Variants in MSANTD2 observed in about 807,000 individuals in gnomAD.
MSANTD2 encodes myb/SANT-like DNA-binding domain-containing protein 2.
MSANTD2 carries 19 observed loss-of-function variants against 52.6 expected under a neutral mutation model. The observed-to-expected ratio is 0.36, with a 90% CI of 0.25 to 0.53. MSANTD2 has a LOEUF of 0.53. Ranked by LOEUF, MSANTD2 falls within the 20% of genes least tolerant of loss-of-function variation. The pLI, the probability that MSANTD2 is intolerant of heterozygous loss-of-function variation, is 0.91. For synonymous variants in MSANTD2, 291 were observed against 289.7 expected (o/e 1.00, Z -0.04); for missense variants, 558 against 716.3 (o/e 0.78, Z 2.52).
chr11:124,795,955 G>C (rs1221649391), intron 1 of MSANTD2, among the ~76,000 whole-genome samples: 2 of 152,132 alleles, frequency 1.3e-5, no homozygotes, highest in African/African-American at 4.8e-5. Flanking sequence ...TATGTAGTAA[G>C]GCAGTGTCAA....
At chr11:124,788,400 C>G (rs1945231016) in intron 1 of MSANTD2, among the ~76,000 whole-genome samples, 1 of 152,112 alleles carries the variant, frequency 6.6e-6, no homozygotes, top group Non-Finnish European at 1.5e-5. Flanking sequence ...TCAGACTTAC[C>G]ACTACTGTTT....
intron 1 of MSANTD2, among the ~76,000 whole-genome samples, chr11:124,795,035 C>G (rs186364051): frequency 6.6e-6 from 1 of 152,098 alleles, no homozygotes; most frequent in Admixed American, 6.5e-5. Flanking sequence ...TGTGCCACCA[C>G]GCCCGGCTAA....
At chr11:124,773,122 T>G in intron 2 of MSANTD2, 68 bp from the exon 3 acceptor site, 1 of 873,026 alleles carries the variant, frequency 1.1e-6, no homozygotes, top group Non-Finnish European at 1.9e-6. Flanking sequence ...TGTAGATAAG[T>G]AGCTATGTTT....
At chr11:124,794,082 A>G (rs1945418067) in intron 1 of MSANTD2, among the ~76,000 whole-genome samples, 1 of 152,232 alleles carries the variant, frequency 6.6e-6, no homozygotes, top group Admixed American at 6.5e-5. Flanking sequence ...GGCTGAACAG[A>G]CACATGTGAC....
intron 1 of MSANTD2, among the ~76,000 whole-genome samples, chr11:124,797,231 T>A (rs546714464): frequency 6.6e-6 from 1 of 152,338 alleles, no homozygotes; most frequent in African/African-American, 2.4e-5. Context: ...TCGCCTATAA[T>A]CCCAGCACTT....
chr11:124,767,812 G>A lies in MSANTD2; in HGVS notation c.1044C>T (p.Tyr348=). 1 of 1,614,202 alleles carries A rather than the reference G, an allele frequency of 6.2e-7. No homozygotes were observed. Among genetic ancestry groups the A allele is most frequent in the Non-Finnish European group, 8.5e-7 (1 of 1,180,032 alleles). The change falls in exon 4 of 4, where the codon TAC becomes TAT. Residue 348 remains tyrosine (Y), a synonymous_variant. Coordinates refer to ENST00000374979, the MANE Select transcript of MSANTD2 (RefSeq NM_001308027.2). The surrounding 1 kb of genome is among the most constrained non-coding windows in gnomAD (Gnocchi z 6.5). The stretch of plus-strand genomic sequence containing the variant: ...GTCCTTCAGGCTTCTCAGAGTTGAA[G>A]TACTCCCGAAGTCGCTTGCCAAGGG... The part of the protein sequence containing the change: ...QVPLGKRLRE[Y]FNSEKPEGRI...
At chr11:124,791,455 C>A (rs1945330109) in intron 1 of MSANTD2, 1 of 1,198,430 alleles carries the variant, frequency 8.3e-7, no homozygotes, top group African/African-American at 1.5e-5. Flanking sequence ...CCCCTCCCCA[C>A]CTGCACTGGG....
At chr11:124,771,253 T>C (rs747984158) in intron 3 of MSANTD2, among the ~76,000 whole-genome samples, 2 of 152,190 alleles carry the variant, frequency 1.3e-5, no homozygotes, top group African/African-American at 4.8e-5. Flanking sequence ...TACTTCCCAA[T>C]AAGAAATGGC....
chr11:124,800,186 AC>A lies in MSANTD2; in HGVS notation c.194del (p.Gly65ValfsTer115). ...AAGSGAAASGGLGLGLGGRSA... is the reference protein window; with the variant it reads ...AAGSGAAASGXLGLGLGGRSA... ...TGCGGCCCCCCAGCCCCAGCCCGAG[AC>A]CCCCGGACGCCGCTGCCCCCGAGCC... On this transcript the variant is annotated frameshift_variant, in exon 1 of 4. Coordinates refer to ENST00000374979, the MANE Select transcript of MSANTD2 (RefSeq NM_001308027.2). LOFTEE classifies it high-confidence loss of function. This position sits in a 1 kb window ranked among gnomAD's most constrained non-coding sequence, Gnocchi z 4.3. 3 of 1,462,590 alleles carry A rather than the reference AC, an allele frequency of 2.1e-6. No homozygotes were observed. The highest frequency in any genetic ancestry group is 2.6e-5 in the Admixed American group (1 of 38,450). 90.6% of individuals were successfully genotyped at this position (1,462,590 alleles called of 1,614,324 possible).
chr11:124,771,228 C>G (rs780645682), intron 3 of MSANTD2, among the ~76,000 whole-genome samples: 33 of 152,216 alleles, frequency 2.2e-4, no homozygotes, highest in African/African-American at 8.0e-4. Flanking sequence ...TGATGTCACA[C>G]TCCTAAAAGA....
At chr11:124,784,193 T>C in intron 1 of MSANTD2, 2 of 985,374 alleles carry the variant, frequency 2.0e-6, no homozygotes, top group South Asian at 4.7e-5. Flanking sequence ...AAGAACTGAC[T>C]GGGATTAGAG....
rs192199822 is a variant in MSANTD2, at chr11:124,781,853, A to G, written c.511-6879T>C. 7.2e-5 allele frequency among the ~76,000 whole-genome samples: 11 copies of G among 152,060 alleles called. No homozygotes were observed. In the East Asian group the frequency reaches 1.6e-3, roughly 21 times the overall value. On this transcript the variant is annotated intron_variant, in intron 1 of 3. Transcript: ENST00000374979. ...TTTTTAGTAGAGACGGGGTTTCACT[A>G]TGTTGGCCAGGCTGGTCTCAAACTC...
Position 124,766,528 on chromosome 11 carries a change from A to T in MSANTD2, c.*648T>A, listed in dbSNP as rs374839048. 597 of 67,192 alleles carry T rather than the reference A, an allele frequency of 8.9e-3. 1 individual carries two copies. The highest frequency in any genetic ancestry group is 0.026 in the African/African-American group (284 of 10,782). 4.2% of individuals were successfully genotyped at this position (67,192 alleles called of 1,614,324 possible). A position where few individuals can be genotyped will look rare whatever the true frequency, so the allele number is the denominator to read the frequency against. On this transcript the variant is annotated 3_prime_UTR_variant, in exon 4 of 4. Transcript: ENST00000374979. ...GGAATTACTTTAATTTTTTTTTTTT[A>T]AAAAAAGGTTTAAATGGCAACACAA... is the stretch of plus-strand genomic sequence containing the variant.
In MSANTD2 at chr11:124,800,238, G is replaced by T; in HGVS notation, c.143C>A (p.Ser48Tyr). The T allele has an allele frequency of 1.3e-6, 2 of 1,542,082 alleles. No homozygotes were observed. The highest frequency in any genetic ancestry group is 1.7e-6 in the Non-Finnish European group (2 of 1,148,302). Residue 48 changes from serine to tyrosine, a missense_variant, in exon 1 of 4, where the codon TCC becomes TAC. Physicochemically the swap from Ser to Tyr is moderately radical, Grantham distance 144. Coordinates refer to ENST00000374979, the MANE Select transcript of MSANTD2 (RefSeq NM_001308027.2). The surrounding 1 kb of genome is among the most constrained non-coding windows in gnomAD (Gnocchi z 4.3). Reference sequence around the variant, plus strand: ...CGCCGCACTGCCCGGCCCGAGCGGGGAGGCACCCCGAGGCGTGGAAGGGTC... The same window carrying T: ...CGCCGCACTGCCCGGCCCGAGCGGGTAGGCACCCCGAGGCGTGGAAGGGTC... ...LSDPSTPRGA[S>Y]PLGPGSAAGS...
Position 124,788,321 on chromosome 11 carries a change from TAAAC to T in MSANTD2, c.510+11546_510+11549del, listed in dbSNP as rs373182352. Among the ~76,000 whole-genome samples, 1,318 of 152,264 alleles carry T rather than the reference TAAAC, an allele frequency of 8.7e-3. 10 individuals carry two copies. The highest frequency in any genetic ancestry group is 0.013 in the Non-Finnish European group (892 of 67,996). ...AATAACCCACATATGCTCTTGGAGT[TAAAC>T]AAAATAAAAAGCATGTAGATCTTTC... On this transcript the variant is annotated intron_variant, in intron 1 of 3. Transcript: ENST00000374979.
chr11:124,799,563 G>A (rs1335391229), intron 1 of MSANTD2, among the ~76,000 whole-genome samples: 2 of 152,194 alleles, frequency 1.3e-5, no homozygotes, highest in Admixed American at 6.5e-5. Flanking sequence ...AGGCGCCAGC[G>A]GCACGGGGAC....
intron 1 of MSANTD2, chr11:124,790,014 A>T (rs1019957009): frequency 6.6e-6 from 1 of 152,268 alleles, no homozygotes; most frequent in Admixed American, 6.5e-5. Flanking sequence ...TTTGAAACTC[A>T]GAAAGTTTTT....
intron 1 of MSANTD2, chr11:124,791,390 C>G: frequency 7.4e-7 from 1 of 1,348,084 alleles, no homozygotes; most frequent in South Asian, 1.2e-5. Context: ...CGGGCTACAT[C>G]ATCAAAACCT....
intron 2 of MSANTD2, chr11:124,773,275 A>G (rs1944608933): frequency 2.9e-6 from 1 of 345,716 alleles, no homozygotes; most frequent in Admixed American, 4.8e-5. Context: ...CAAGTATAAA[A>G]TTCTTCAAGG....
Sources: allele counts gnomAD v4.1 joint callset (sites outside exome capture counted in the v4.1 genomes callset), GRCh38; gene constraint gnomAD v4.1.1; non-coding constraint Gnocchi (gnomAD v3.1); transcripts MANE v1.5; gene names NCBI Gene and HGNC (gene_info 2026-07-23, HGNC 2026-07-21).